KCNH5: variants seen among roughly 807,000 people sequenced by gnomAD.
The protein encoded by KCNH5 is voltage-gated delayed rectifier potassium channel KCNH5.
A neutral mutation model predicts 96.1 loss-of-function variants in KCNH5; 46 were observed. That is an observed-to-expected ratio of 0.48 (90% confidence interval 0.38 to 0.61). The LOEUF (loss-of-function observed/expected upper bound fraction) is 0.61. Among genes scored for constraint, KCNH5 ranks in the 20% least tolerant of loss-of-function variants. KCNH5 has a pLI of 0.00. For missense variants in KCNH5, 907 were observed against 1,225.8 expected (o/e 0.74, Z 3.88); for synonymous variants, 439 against 449.8 (o/e 0.98, Z 0.30).
intron 8 of KCNH5, among the ~76,000 whole-genome samples, chr14:62,807,201 A>C (rs1469615912): frequency 6.6e-6 from 1 of 152,170 alleles, no homozygotes; most frequent in East Asian, 1.9e-4. Flanking sequence ...AGGTTGGATT[A>C]GACTCTGTCA....
chr14:62,713,309 T>C (rs899848560), intron 10 of KCNH5, among the ~76,000 whole-genome samples: 6 of 152,160 alleles, frequency 3.9e-5, no homozygotes, highest in African/African-American at 1.4e-4. Flanking sequence ...TGATCATTAA[T>C]GTCTACTCCT....
intron 8 of KCNH5, among the ~76,000 whole-genome samples, chr14:62,837,917 G>C (rs1186917472): frequency 6.6e-6 from 1 of 152,112 alleles, no homozygotes; most frequent in African/African-American, 2.4e-5. Context: ...AATTGAAACA[G>C]GTGGATGTAA....
At chr14:62,987,498 G>A (rs747457851) in intron 4 of KCNH5, among the ~76,000 whole-genome samples, 1 of 152,130 alleles carries the variant, frequency 6.6e-6, no homozygotes, top group Admixed American at 6.6e-5. Flanking sequence ...TTCTTACTGG[G>A]AAATAGCTGT....
In KCNH5 at chr14:62,849,797, A is replaced by G. The variant is rs1479371235; in HGVS notation, c.1425T>C (p.Tyr475=). Residue 475 remains tyrosine, a synonymous_variant, in exon 8 of 11, where the codon TAT becomes TAC. Coordinates refer to ENST00000322893, the MANE Select transcript of KCNH5 (RefSeq NM_139318.5). ...GNVTTIFQQM[Y]ANTNRYHEML... ...TCTCATGGTATCGGTTGGTGTTGGC[A>G]TACATTTGCTGGAAAATTGTTGTAA... The G allele has an allele frequency of 6.2e-7, 1 of 1,613,926 alleles. No individual in the cohort carries two copies. Among genetic ancestry groups the G allele is most frequent in the Non-Finnish European group, 8.5e-7 (1 of 1,179,826 alleles).
intron 10 of KCNH5, among the ~76,000 whole-genome samples, chr14:62,737,399 G>C (rs1221780381): frequency 6.6e-6 from 1 of 152,106 alleles, no homozygotes; most frequent in Non-Finnish European, 1.5e-5. Flanking sequence ...ACTACCACTG[G>C]AGTCATAATT....
At chr14:63,020,998 A>T (rs1224440899) in intron 1 of KCNH5, among the ~76,000 whole-genome samples, 3 of 152,040 alleles carry the variant, frequency 2.0e-5, no homozygotes. Flanking sequence ...TAAATAAATG[A>T]TGTTTTCTTT....
intron 10 of KCNH5, among the ~76,000 whole-genome samples, chr14:62,758,327 T>C (rs1273207880): frequency 6.6e-6 from 1 of 152,026 alleles, no homozygotes; most frequent in Non-Finnish European, 1.5e-5. Context: ...CTGATGTGAT[T>C]ATTATACATT....
At chr14:62,895,577 C>A (rs1888794696) in intron 7 of KCNH5, among the ~76,000 whole-genome samples, 1 of 152,086 alleles carries the variant, frequency 6.6e-6, no homozygotes, top group Non-Finnish European at 1.5e-5. Context: ...AGGTGATCCA[C>A]CCACCTTGGC....
chr14:62,798,332 C>T (rs114934749), intron 9 of KCNH5, among the ~76,000 whole-genome samples: 337 of 152,200 alleles, frequency 2.2e-3, no homozygotes, highest in African/African-American at 7.8e-3. Context: ...CTTAGGAGCA[C>T]GGTCTATTGT....
chr14:62,869,650 T>C (rs1038372278), intron 7 of KCNH5, among the ~76,000 whole-genome samples: 3 of 152,186 alleles, frequency 2.0e-5, no homozygotes, highest in Non-Finnish European at 4.4e-5. Flanking sequence ...TCTAGGGTTT[T>C]TATTATTTTA....
intron 6 of KCNH5, among the ~76,000 whole-genome samples, chr14:62,968,388 T>C (rs576592210): frequency 6.6e-6 from 1 of 152,340 alleles, no homozygotes; most frequent in Admixed American, 6.5e-5. Context: ...TTGTATTTAT[T>C]TGTCCACAAT....
chr14:63,023,635 C>A (rs1478157149), intron 1 of KCNH5, among the ~76,000 whole-genome samples: 1 of 152,074 alleles, frequency 6.6e-6, no homozygotes, highest in African/African-American at 2.4e-5. Context: ...AAACATTCCA[C>A]CCAAAGACAG....
At chr14:63,007,712 A>G (rs890722581) in intron 2 of KCNH5, among the ~76,000 whole-genome samples, 1 of 152,200 alleles carries the variant, frequency 6.6e-6, no homozygotes, top group Admixed American at 6.5e-5. Context: ...CATATAATGC[A>G]TTGACATTCT....
intron 7 of KCNH5, among the ~76,000 whole-genome samples, chr14:62,872,590 G>C (rs1428551300): frequency 6.6e-6 from 1 of 152,138 alleles, no homozygotes; most frequent in East Asian, 1.9e-4. Context: ...CTACTTGGGA[G>C]GTTGAGGCAG....
At chr14:62,943,384 C>T (rs540717374) in intron 7 of KCNH5, among the ~76,000 whole-genome samples, 15 of 152,230 alleles carry the variant, frequency 9.9e-5, no homozygotes, top group East Asian at 3.9e-4. Context: ...AAATCATCCA[C>T]GTACTATGGT....
chr14:62,799,942 A>T (rs1378832227), intron 9 of KCNH5, among the ~76,000 whole-genome samples: 6 of 149,102 alleles, frequency 4.0e-5, no homozygotes, highest in Non-Finnish European at 8.9e-5. Context: ...TAAACTATCA[A>T]AAATGAGAAG....
intron 7 of KCNH5, among the ~76,000 whole-genome samples, chr14:62,896,681 G>A (rs1051640516): frequency 6.6e-6 from 1 of 151,992 alleles, no homozygotes; most frequent in Non-Finnish European, 1.5e-5. Context: ...TTCTTTATAG[G>A]TATCCTGATC....
At chr14:62,960,363 T>C (rs1040868319) in intron 6 of KCNH5, among the ~76,000 whole-genome samples, 9 of 152,194 alleles carry the variant, frequency 5.9e-5, no homozygotes, top group Non-Finnish European at 1.3e-4. Flanking sequence ...CTCATTCTTT[T>C]ATCCCTAGCA....
At chr14:63,024,158 G>A (rs1007544822) in intron 1 of KCNH5, among the ~76,000 whole-genome samples, 3 of 151,608 alleles carry the variant, frequency 2.0e-5, no homozygotes, top group Non-Finnish European at 2.9e-5. Flanking sequence ...GCAGTGAACC[G>A]AGATCATGCC....
Sources: allele counts gnomAD v4.1 joint callset (sites outside exome capture counted in the v4.1 genomes callset), GRCh38; gene constraint gnomAD v4.1.1; transcripts MANE v1.5; gene names NCBI Gene and HGNC (gene_info 2026-07-23, HGNC 2026-07-21).